The following DIAPH3 variants were observed in gnomAD, a reference collection of about 807,000 sequenced individuals.
The protein encoded by DIAPH3 is diaphanous related formin 3, also known as protein diaphanous homolog 3.
In DIAPH3, 117 loss-of-function variants were observed where a neutral mutation model predicts 144.3. That is an observed-to-expected ratio of 0.81 (90% CI 0.70 to 0.95). The LOEUF (loss-of-function observed/expected upper bound fraction) is 0.95, where lower values mean the gene tolerates loss of function less well. Ranked by LOEUF, DIAPH3 falls within the 40% of genes least tolerant of loss-of-function variation. The pLI, the probability that DIAPH3 is intolerant of heterozygous loss-of-function variation, is 0.00. For missense variants in DIAPH3, 1,421 were observed against 1,412.7 expected (o/e 1.01, Z -0.09); for synonymous variants, 519 against 488.9 (o/e 1.06, Z -0.81).
chr13:60,157,522 A>G (rs1424847750), intron 1 of DIAPH3, among the ~76,000 whole-genome samples: 2 of 152,198 alleles, frequency 1.3e-5, no homozygotes, highest in East Asian at 3.9e-4. Context: ...TTATATTCTT[A>G]AATATGGTTA....
chr13:59,946,958 T>C (rs1408393176), intron 17 of DIAPH3, among the ~76,000 whole-genome samples: 4 of 152,198 alleles, frequency 2.6e-5, no homozygotes, highest in Non-Finnish European at 5.9e-5. Context: ...AATTTGCCTT[T>C]AGATACCATT....
chr13:60,141,649 C>T (rs988926169), intron 1 of DIAPH3, among the ~76,000 whole-genome samples: 9 of 152,170 alleles, frequency 5.9e-5, no homozygotes, highest in Non-Finnish European at 1.2e-4. Flanking sequence ...TTCATTCATG[C>T]AACAACTGTT....
At chr13:60,038,362 A>C (rs998339030) in intron 5 of DIAPH3, among the ~76,000 whole-genome samples, 5 of 152,140 alleles carry the variant, frequency 3.3e-5, no homozygotes, top group African/African-American at 1.2e-4. Context: ...TGTTGATAAA[A>C]ATGAGTACAC....
At chr13:60,101,078 C>T (rs1282032590) in intron 3 of DIAPH3, among the ~76,000 whole-genome samples, 3 of 152,150 alleles carry the variant, frequency 2.0e-5, no homozygotes, top group Non-Finnish European at 4.4e-5. Flanking sequence ...ACCTCTAGTA[C>T]TCCTGTAATC....
At chr13:59,793,523 G>A (rs953817560) in intron 25 of DIAPH3, among the ~76,000 whole-genome samples, 2 of 152,152 alleles carry the variant, frequency 1.3e-5, no homozygotes, top group Non-Finnish European at 2.9e-5. Flanking sequence ...ATTTGATTGT[G>A]TTGACTACCC....
chr13:59,917,602 G>A (rs1391815196), intron 18 of DIAPH3, among the ~76,000 whole-genome samples: 1 of 151,840 alleles, frequency 6.6e-6, no homozygotes. Context: ...AGAGTAAATA[G>A]AGATTTGGCC....
intron 9 of DIAPH3, among the ~76,000 whole-genome samples, chr13:60,005,591 C>T (rs1056791153): frequency 6.6e-6 from 1 of 152,176 alleles, no homozygotes; most frequent in African/African-American, 2.4e-5. Context: ...CACCATTCTC[C>T]TGCCTCAGCT....
At chr13:59,885,043 T>C (rs914969559) in intron 20 of DIAPH3, among the ~76,000 whole-genome samples, 2 of 152,146 alleles carry the variant, frequency 1.3e-5, no homozygotes, top group Admixed American at 1.3e-4. Context: ...CAATTGGCTA[T>C]AGACATTAGA....
intron 20 of DIAPH3, among the ~76,000 whole-genome samples, chr13:59,895,176 C>T (rs919984079): frequency 6.6e-6 from 1 of 151,966 alleles, no homozygotes. Context: ...ACAATTTGAA[C>T]AAATTCCTAG....
chr13:60,019,925 A>C (rs1033452362), intron 5 of DIAPH3, among the ~76,000 whole-genome samples: 6 of 151,192 alleles, frequency 4.0e-5, no homozygotes, highest in Non-Finnish European at 8.8e-5. Context: ...TGTTTTGTTT[A>C]AAGTTATTAC....
chr13:59,825,399 G>A (rs968009871), intron 24 of DIAPH3, among the ~76,000 whole-genome samples: 7 of 152,106 alleles, frequency 4.6e-5, no homozygotes, highest in Non-Finnish European at 1.0e-4. Context: ...GTATTCCATG[G>A]TGTATATGTG....
intron 27 of DIAPH3, among the ~76,000 whole-genome samples, chr13:59,683,206 C>T (rs77930535): frequency 0.044 from 6,636 of 152,198 alleles, 223 homozygotes; most frequent in South Asian, 0.1. Flanking sequence ...TGCTTATTAC[C>T]TTCCCTATGT....
At chr13:59,826,251 G>A (rs2041411771) in intron 24 of DIAPH3, among the ~76,000 whole-genome samples, 1 of 108,912 alleles carries the variant, frequency 9.2e-6, no homozygotes, top group Non-Finnish European at 2.0e-5. Flanking sequence ...GTCCCTGTTT[G>A]CAGATGACAT....
At chr13:59,745,989 T>G (rs574227877) in intron 27 of DIAPH3, among the ~76,000 whole-genome samples, 173 of 152,306 alleles carry the variant, frequency 1.1e-3, no homozygotes, top group African/African-American at 4.1e-3. Flanking sequence ...CTTTTTGCAC[T>G]CTCAGGGTGT....
chr13:60,035,374 C>T (rs2141136232), intron 5 of DIAPH3, among the ~76,000 whole-genome samples: 1 of 152,160 alleles, frequency 6.6e-6, no homozygotes. Context: ...TGACGGTATA[C>T]AAAAGAAGCA....
intron 17 of DIAPH3, among the ~76,000 whole-genome samples, chr13:59,932,635 A>T (rs2048075953): frequency 6.6e-6 from 1 of 152,188 alleles, no homozygotes; most frequent in Non-Finnish European, 1.5e-5. Flanking sequence ...TAAAAATGAC[A>T]AATTAGACTC....
At position 59,839,318 on chromosome 13, in the gene DIAPH3, G is replaced by C. The variant is rs1312361600; in HGVS notation, c.2862+6C>G. On this transcript the variant is annotated splice_donor_region_variant and intron_variant, in intron 23 of 27. Transcript: ENST00000400324. ...GACTTAAGTTATTTAGCTATCAAAA[G>C]GATATGGACATCTTTGTCACAAACT... 2 of 1,612,808 alleles carry C rather than the reference G, an allele frequency of 1.2e-6. No homozygotes were observed. The highest frequency in any genetic ancestry group is 2.2e-5 in the East Asian group (1 of 44,786).
At chr13:60,043,898 C>A (rs1010057222) in intron 4 of DIAPH3, among the ~76,000 whole-genome samples, 10 of 152,126 alleles carry the variant, frequency 6.6e-5, no homozygotes, top group African/African-American at 2.2e-4. Context: ...ATGAGACATG[C>A]AATTTTAAAC....
chr13:59,844,607 T>A (rs2042534119), intron 22 of DIAPH3, among the ~76,000 whole-genome samples: 1 of 152,218 alleles, frequency 6.6e-6, no homozygotes, highest in South Asian at 2.1e-4. Flanking sequence ...TCTCTGTATG[T>A]GACCTATGTG....
Sources: gnomAD v4.1 joint callset for allele counts (sites outside exome capture counted in the v4.1 genomes callset) on GRCh38, gnomAD v4.1.1 for gene constraint, MANE v1.5 for transcripts, NCBI Gene and HGNC (gene_info 2026-07-23, HGNC 2026-07-21) for gene names.